The following PSMB7 variants were observed in gnomAD, a reference collection of about 807,000 sequenced individuals.
PSMB7 encodes the protein proteasome 20S subunit beta 7, also known as proteasome subunit beta type-7.
In PSMB7, 5 loss-of-function variants were observed where a neutral mutation model predicts 28.1. The ratio of observed to expected loss-of-function variants is 0.18; its 90% CI spans 0.09 to 0.37. The LOEUF (loss-of-function observed/expected upper bound fraction) is 0.37. Ranked by LOEUF, PSMB7 falls within the 10% of genes least tolerant of loss-of-function variation. PSMB7 has a pLI of 1.00. For missense variants in PSMB7, 275 were observed against 346.2 expected (o/e 0.79, Z 1.63); for synonymous variants, 122 against 123.7 (o/e 0.99, Z 0.09).
chr9:124,373,866 CTA>C (rs1830585057), intron 6 of PSMB7, among the ~76,000 whole-genome samples: 1 of 152,192 alleles, frequency 6.6e-6, no homozygotes, highest in African/African-American at 2.4e-5. Flanking sequence ...CATAGAGTAA[CTA>C]TATGACCTGG....
chr9:124,357,199 C>G (rs532171371), intron 6 of PSMB7, among the ~76,000 whole-genome samples: 1 of 152,302 alleles, frequency 6.6e-6, no homozygotes, highest in African/African-American at 2.4e-5. Context: ...AGTAACTTAT[C>G]TTTAAAAGGG....
chr9:124,397,587 A>G (rs1281145220), intron 5 of PSMB7, among the ~76,000 whole-genome samples: 1 of 152,264 alleles, frequency 6.6e-6, no homozygotes, highest in African/African-American at 2.4e-5. Flanking sequence ...TCTTCTGGTT[A>G]ATTTATAGCT....
intron 6 of PSMB7, among the ~76,000 whole-genome samples, chr9:124,369,589 T>G (rs1233655822): frequency 6.6e-6 from 1 of 152,228 alleles, no homozygotes; most frequent in East Asian, 1.9e-4. Flanking sequence ...GGATGCTAAT[T>G]AAAAGGCCAC....
intron 6 of PSMB7, among the ~76,000 whole-genome samples, chr9:124,374,000 T>C (rs766639649): frequency 5.9e-5 from 9 of 152,162 alleles, no homozygotes; most frequent in Non-Finnish European, 1.0e-4. Flanking sequence ...ACAATCCAAA[T>C]GTCCAACTAA....
intron 5 of PSMB7, among the ~76,000 whole-genome samples, chr9:124,389,265 G>A (rs1476839969): frequency 6.6e-6 from 1 of 152,086 alleles, no homozygotes; most frequent in African/African-American, 2.4e-5. Flanking sequence ...GGAGTGAATG[G>A]CCTTTCCTGG....
chr9:124,399,403 C>A (rs949135323), intron 5 of PSMB7, among the ~76,000 whole-genome samples: 4 of 152,130 alleles, frequency 2.6e-5, no homozygotes, highest in African/African-American at 9.7e-5. Flanking sequence ...GACTTGCTAA[C>A]TCCGCCAGGG....
At chr9:124,382,196 T>TTC (rs1379938725) in intron 6 of PSMB7, among the ~76,000 whole-genome samples, 17 of 122,816 alleles carry the variant, frequency 1.4e-4, no homozygotes, top group African/African-American at 4.4e-4. Context: ...TCTCTCTCTT[T>TTC]TCTCTTTTTT....
chr9:124,368,914 C>T (rs1830534678), intron 6 of PSMB7, among the ~76,000 whole-genome samples: 1 of 152,176 alleles, frequency 6.6e-6, no homozygotes, highest in African/African-American at 2.4e-5. Flanking sequence ...CAACCCAGGC[C>T]TCTTCAGAGC....
chr9:124,415,098 C>T, intron 1 of PSMB7, 163 bp from the exon 2 acceptor site: 1 of 633,058 alleles, frequency 1.6e-6, no homozygotes. Context: ...CGTTTTCCAA[C>T]GAAGACAGTC....
intron 5 of PSMB7, among the ~76,000 whole-genome samples, chr9:124,395,512 GTTAA>G (rs1234667449): frequency 2.6e-5 from 4 of 151,826 alleles, no homozygotes; most frequent in Non-Finnish European, 5.9e-5. Context: ...AAACAAATAA[GTTAA>G]TTATTATTTT....
At chr9:124,415,218 T>C in intron 1 of PSMB7, 146 bp downstream of exon 1, 1 of 888,438 alleles carries the variant, frequency 1.1e-6, no homozygotes, top group Non-Finnish European at 1.7e-6. Context: ...GCCCAGGCCC[T>C]GATTCCCCTG....
intron 5 of PSMB7, among the ~76,000 whole-genome samples, chr9:124,398,930 G>A (rs747390614): frequency 4.6e-5 from 7 of 150,942 alleles, no homozygotes; most frequent in African/African-American, 1.7e-4. Flanking sequence ...TGAAAATAAT[G>A]TGCCAGCACC....
At chr9:124,359,179 T>C (rs1019292849) in intron 6 of PSMB7, among the ~76,000 whole-genome samples, 3 of 152,216 alleles carry the variant, frequency 2.0e-5, no homozygotes, top group African/African-American at 7.2e-5. Context: ...TTTTTTAAAT[T>C]GGGAAAATAC....
rs111424771 is a variant in PSMB7, at chr9:124,377,136, A to G, written c.570+7462T>C. Among the ~76,000 whole-genome samples the G allele has an allele frequency of 2.0e-5, 3 of 152,328 alleles. No individual in the cohort carries two copies. In the East Asian group the frequency reaches 5.8e-4, roughly 29 times the overall value. ...AAAATAAAACCAGCTGCCATATTTT[A>G]GAGCCAATTTTGTGTGAGCCACCAT... On this transcript the variant is annotated intron_variant, in intron 6 of 7. Coordinates refer to ENST00000259457, the MANE Select transcript of PSMB7 (RefSeq NM_002799.4).
chr9:124,378,739 C>T (rs1291434205), intron 6 of PSMB7, among the ~76,000 whole-genome samples: 7 of 152,200 alleles, frequency 4.6e-5, no homozygotes, highest in African/African-American at 1.7e-4. Flanking sequence ...CCTACATTAT[C>T]GGATTCATTT....
intron 6 of PSMB7, among the ~76,000 whole-genome samples, chr9:124,361,442 C>T (rs1015938698): frequency 1.3e-5 from 2 of 152,176 alleles, no homozygotes; most frequent in African/African-American, 4.8e-5. Flanking sequence ...AAACAGACCC[C>T]CAAGTTCATT....
At chr9:124,376,100 G>C (rs1212249611) in intron 6 of PSMB7, among the ~76,000 whole-genome samples, 3 of 152,008 alleles carry the variant, frequency 2.0e-5, no homozygotes, top group African/African-American at 7.2e-5. Context: ...AAAAGTTTTG[G>C]CAGTTGGGAA....
At chr9:124,413,758 G>A (rs2131184161) in intron 3 of PSMB7, 150 bp downstream of exon 3, 1 of 584,784 alleles carries the variant, frequency 1.7e-6, no homozygotes, top group Non-Finnish European at 3.0e-6. Flanking sequence ...TGAAGTTACT[G>A]GCTTAGGTAA....
chr9:124,362,543 T>C (rs2131144267), intron 6 of PSMB7, among the ~76,000 whole-genome samples: 1 of 152,360 alleles, frequency 6.6e-6, no homozygotes, highest in Admixed American at 6.5e-5. Flanking sequence ...TGCTCCTTCA[T>C]TAACCACTAA....
Sources: allele counts gnomAD v4.1 joint callset (sites outside exome capture counted in the v4.1 genomes callset), GRCh38; gene constraint gnomAD v4.1.1; transcripts MANE v1.5; gene names NCBI Gene and HGNC (gene_info 2026-07-23, HGNC 2026-07-21).